Variants in CNTN4 observed in about 807,000 individuals in gnomAD.
CNTN4 encodes contactin-4.
In CNTN4, 77 loss-of-function variants were observed where a neutral mutation model predicts 122.5. The ratio of observed to expected loss-of-function variants is 0.63; its 90% CI spans 0.52 to 0.76. The LOEUF (loss-of-function observed/expected upper bound fraction) is 0.76. CNTN4 is among the 30% of genes least tolerant of loss of function. CNTN4 has a pLI of 0.00. For synonymous variants in CNTN4, 512 were observed against 447.0 expected (o/e 1.15, Z -1.83); for missense variants, 1,256 against 1,259.1 (o/e 1.00, Z 0.04).
intron 9 of CNTN4, among the ~76,000 whole-genome samples, chr3:2,883,600 G>C (rs6773069): frequency 0.067 from 10,259 of 152,214 alleles, 427 homozygotes; most frequent in African/African-American, 0.11. Flanking sequence ...AGCTGACTAT[G>C]TGGAAAAATA....
chr3:3,001,504 C>G (rs1696043076), intron 14 of CNTN4, among the ~76,000 whole-genome samples: 1 of 152,138 alleles, frequency 6.6e-6, no homozygotes, highest in African/African-American at 2.4e-5. Flanking sequence ...TTGACTTGAA[C>G]CCACAGACTT....
intron 10 of CNTN4, among the ~76,000 whole-genome samples, chr3:2,887,960 G>C (rs2093997354): frequency 6.6e-6 from 1 of 152,170 alleles, no homozygotes; most frequent in Admixed American, 6.5e-5. Context: ...AATCCCATCT[G>C]TCTGGGATAC....
intron 13 of CNTN4, among the ~76,000 whole-genome samples, chr3:2,937,853 G>A (rs538191699): frequency 2.6e-5 from 4 of 152,232 alleles, no homozygotes; most frequent in African/African-American, 9.6e-5. Flanking sequence ...GGAAGAGAGG[G>A]AAGGGAGAAG....
At chr3:2,193,413 A>G (rs976280207) in intron 2 of CNTN4, among the ~76,000 whole-genome samples, 15 of 152,328 alleles carry the variant, frequency 9.8e-5, no homozygotes, top group African/African-American at 2.9e-4. Flanking sequence ...AAAATGGCTC[A>G]TCAACTTTAT....
At chr3:2,199,849 G>A (rs2038015475) in intron 2 of CNTN4, among the ~76,000 whole-genome samples, 1 of 152,116 alleles carries the variant, frequency 6.6e-6, no homozygotes, top group Admixed American at 6.6e-5. Flanking sequence ...AACCACCAAT[G>A]AAGGTTAAGG....
At chr3:2,983,058 C>A (rs557786588) in intron 13 of CNTN4, among the ~76,000 whole-genome samples, 66 of 150,916 alleles carry the variant, frequency 4.4e-4, no homozygotes, top group Non-Finnish European at 7.4e-4. Context: ...ACTAAAAATA[C>A]AAAAAATTAG....
chr3:2,393,748 A>G (rs946923151), intron 3 of CNTN4, among the ~76,000 whole-genome samples: 6 of 152,276 alleles, frequency 3.9e-5, no homozygotes, highest in African/African-American at 1.2e-4. Context: ...ACCTAAAGAG[A>G]TCAAGGAAAG....
At chr3:2,120,351 TTATA>T (rs1222126807) in intron 2 of CNTN4, among the ~76,000 whole-genome samples, 53 of 45,938 alleles carry the variant, frequency 1.2e-3, no homozygotes, top group African/African-American at 3.4e-3. Flanking sequence ...GGCATTTAGG[TTATA>T]TATATATATA....
chr3:2,778,814 A>G (rs2091452354), intron 6 of CNTN4, among the ~76,000 whole-genome samples: 1 of 152,232 alleles, frequency 6.6e-6, no homozygotes, highest in Non-Finnish European at 1.5e-5. Context: ...TTCACCAAGC[A>G]GATCCAAAAT....
chr3:2,778,823 A>G (rs2091452824), intron 6 of CNTN4, among the ~76,000 whole-genome samples: 1 of 152,222 alleles, frequency 6.6e-6, no homozygotes, highest in African/African-American at 2.4e-5. Context: ...CAGATCCAAA[A>G]TAATTTATCT....
intron 4 of CNTN4, among the ~76,000 whole-genome samples, chr3:2,624,105 A>G (rs560181036): frequency 1.3e-5 from 2 of 152,172 alleles, no homozygotes; most frequent in African/African-American, 4.8e-5. Flanking sequence ...TATTACATTC[A>G]CCACTAGAAA....
intron 2 of CNTN4, among the ~76,000 whole-genome samples, chr3:2,255,337 G>C (rs745508235): frequency 1.3e-5 from 2 of 152,084 alleles, no homozygotes; most frequent in Non-Finnish European, 2.9e-5. Flanking sequence ...GTAATAGTGT[G>C]AGACTTTAAC....
chr3:2,857,054 A>G (rs1399876356), intron 7 of CNTN4, among the ~76,000 whole-genome samples: 1 of 152,190 alleles, frequency 6.6e-6, no homozygotes, highest in Non-Finnish European at 1.5e-5. Flanking sequence ...CCTCTATGGA[A>G]TTCGAATCCA....
At chr3:2,835,389 A>G (rs1454516020) in intron 7 of CNTN4, among the ~76,000 whole-genome samples, 1 of 152,218 alleles carries the variant, frequency 6.6e-6, no homozygotes, top group African/African-American at 2.4e-5. Context: ...AAATAAGCAT[A>G]TAAAGAATTT....
At chr3:2,203,535 A>T (rs548510438) in intron 2 of CNTN4, among the ~76,000 whole-genome samples, 1 of 152,240 alleles carries the variant, frequency 6.6e-6, no homozygotes, top group South Asian at 2.1e-4. Context: ...TCTTTGGCCA[A>T]GGTACAACAG....
intron 4 of CNTN4, among the ~76,000 whole-genome samples, chr3:2,618,942 A>G (rs1410602199): frequency 6.6e-6 from 1 of 152,190 alleles, no homozygotes; most frequent in Non-Finnish European, 1.5e-5. Flanking sequence ...AGATCATTGC[A>G]GAGACTGGGA....
intron 4 of CNTN4, among the ~76,000 whole-genome samples, chr3:2,573,295 C>A (rs929420016): frequency 2.6e-5 from 4 of 152,100 alleles, no homozygotes; most frequent in African/African-American, 9.7e-5. Context: ...AAACTTCTTG[C>A]CTTAGTTGAG....
intron 14 of CNTN4, among the ~76,000 whole-genome samples, chr3:3,002,525 C>A (rs1007944455): frequency 6.6e-6 from 1 of 152,000 alleles, no homozygotes; most frequent in Admixed American, 6.6e-5. Context: ...GAGATATGAC[C>A]TACTTTTTCT....
intron 7 of CNTN4, among the ~76,000 whole-genome samples, chr3:2,861,552 C>T (rs1449500426): frequency 6.6e-6 from 1 of 152,176 alleles, no homozygotes; most frequent in African/African-American, 2.4e-5. Context: ...ATTGATAAAA[C>T]TATCTAAAGG....
Sources: gnomAD v4.1 joint callset for allele counts (sites outside exome capture counted in the v4.1 genomes callset) on GRCh38, gnomAD v4.1.1 for gene constraint, MANE v1.5 for transcripts, NCBI Gene and HGNC (gene_info 2026-07-23, HGNC 2026-07-21) for gene names.